Variants in TENM2 observed in about 807,000 individuals in gnomAD.
The protein encoded by TENM2 is teneurin transmembrane protein 2.
A neutral mutation model predicts 245.2 loss-of-function variants in TENM2; 52 were observed. The ratio of observed to expected loss-of-function variants is 0.21; its 90% confidence interval spans 0.17 to 0.27. TENM2 has a LOEUF of 0.27. TENM2 is among the 10% of genes least tolerant of loss of function. TENM2 has a pLI of 1.00. For synonymous variants in TENM2, 1,363 were observed against 1,438.9 expected (o/e 0.95, Z 1.19); for missense variants, 3,046 against 3,666.8 (o/e 0.83, Z 4.37).
At chr5:167,456,727 A>T (rs956125452) in intron 2 of TENM2, among the ~76,000 whole-genome samples, 13 of 152,346 alleles carry the variant, frequency 8.5e-5, no homozygotes, top group African/African-American at 3.1e-4. Context: ...ACTTAATATA[A>T]AAAGCATCAA....
intron 27 of TENM2, among the ~76,000 whole-genome samples, chr5:168,248,584 C>T (rs896194275): frequency 1.1e-4 from 17 of 152,234 alleles, no homozygotes. Flanking sequence ...GTCCCAACCA[C>T]TTTCATGTCC....
At chr5:167,676,915 A>G (rs1169581932) in intron 2 of TENM2, among the ~76,000 whole-genome samples, 1 of 152,154 alleles carries the variant, frequency 6.6e-6, no homozygotes, top group African/African-American at 2.4e-5. Flanking sequence ...TAATTGAACT[A>G]TATGAGGACA....
At chr5:168,053,252 C>T (rs995994052) in intron 6 of TENM2, among the ~76,000 whole-genome samples, 4 of 152,230 alleles carry the variant, frequency 2.6e-5, no homozygotes, top group Non-Finnish European at 5.9e-5. Flanking sequence ...TACTTACATG[C>T]ACTTATACTG....
intron 2 of TENM2, among the ~76,000 whole-genome samples, chr5:167,682,108 CCCT>C (rs1756760086): frequency 8.8e-6 from 1 of 113,028 alleles, no homozygotes; most frequent in Admixed American, 8.1e-5. Context: ...CTCCCTCCCT[CCCT>C]CCCTCCCTCC....
At chr5:167,641,281 C>T (rs1224146770) in intron 2 of TENM2, among the ~76,000 whole-genome samples, 1 of 152,048 alleles carries the variant, frequency 6.6e-6, no homozygotes, top group African/African-American at 2.4e-5. Flanking sequence ...TGGCAGAAGG[C>T]TCGCAGAACC....
At chr5:167,681,073 G>A (rs971712569) in intron 2 of TENM2, among the ~76,000 whole-genome samples, 13 of 152,196 alleles carry the variant, frequency 8.5e-5, no homozygotes, top group East Asian at 1.9e-4. Context: ...AAACAATTAC[G>A]AAGTCAACCT....
At chr5:168,130,795 G>A (rs1032112193) in intron 12 of TENM2, among the ~76,000 whole-genome samples, 1 of 152,068 alleles carries the variant, frequency 6.6e-6, no homozygotes, top group African/African-American at 2.4e-5. Flanking sequence ...AGGCCGATGT[G>A]GGAGAATCGC....
intron 5 of TENM2, among the ~76,000 whole-genome samples, chr5:168,000,705 G>A (rs1234387545): frequency 6.6e-6 from 1 of 152,132 alleles, no homozygotes; most frequent in Admixed American, 6.6e-5. Context: ...TTATATATTT[G>A]GAAAGAGATA....
intron 7 of TENM2, among the ~76,000 whole-genome samples, chr5:168,088,887 A>T (rs1444751913): frequency 2.6e-5 from 4 of 152,186 alleles, no homozygotes; most frequent in Non-Finnish European, 4.4e-5. Flanking sequence ...CTGGAGTTTC[A>T]TTCTGTGAAG....
the TENM2 span, among the ~76,000 whole-genome samples, chr5:167,103,508 C>T: frequency 1.3e-5 from 2 of 152,284 alleles, no homozygotes; most frequent in African/African-American, 2.4e-5. Context: ...CTTCTTAACC[C>T]TTTGGGTGCT....
chr5:167,937,565 T>C (rs1778822089), intron 3 of TENM2, among the ~76,000 whole-genome samples: 1 of 152,242 alleles, frequency 6.6e-6, no homozygotes, highest in African/African-American at 2.4e-5. Context: ...CGTGATACTG[T>C]ATTTTATCAT....
intron 3 of TENM2, among the ~76,000 whole-genome samples, chr5:167,951,506 T>G (rs1441822138): frequency 6.6e-6 from 1 of 152,238 alleles, no homozygotes; most frequent in African/African-American, 2.4e-5. Flanking sequence ...GAGAATCGGT[T>G]GCTAGGAAAA....
At chr5:167,458,489 AAAAAC>A (rs1205130091) in intron 2 of TENM2, among the ~76,000 whole-genome samples, 26 of 124,950 alleles carry the variant, frequency 2.1e-4, no homozygotes, top group African/African-American at 7.6e-4. Flanking sequence ...TCCGTCTCAA[AAAAAC>A]AAAAAAAAAA....
chr5:167,072,398 T>G, the TENM2 span, among the ~76,000 whole-genome samples: 1 of 152,228 alleles, frequency 6.6e-6, no homozygotes, highest in East Asian at 1.9e-4. Context: ...ATGTGTTGCC[T>G]TTTTTTGGCC....
chr5:167,911,878 AAT>A (rs781465460), intron 3 of TENM2, among the ~76,000 whole-genome samples: 4 of 152,094 alleles, frequency 2.6e-5, no homozygotes, highest in African/African-American at 9.6e-5. Context: ...TTAATTAACA[AAT>A]ATATATATAT....
At chr5:167,690,848 T>C (rs10035233) in intron 2 of TENM2, among the ~76,000 whole-genome samples, 64,355 of 151,546 alleles carry the variant, frequency 0.42, 16,194 homozygotes, top group East Asian at 0.9. Context: ...CACACACATA[T>C]ATGTTTGTAT....
At chr5:167,257,701 T>C in the TENM2 span, among the ~76,000 whole-genome samples, 2 of 152,002 alleles carry the variant, frequency 1.3e-5, no homozygotes, top group Non-Finnish European at 2.9e-5. Context: ...TCACAATCAG[T>C]ATAATTTTTT....
chr5:168,174,194 A>G (rs1422188148), intron 13 of TENM2, among the ~76,000 whole-genome samples: 1 of 152,128 alleles, frequency 6.6e-6, no homozygotes, highest in African/African-American at 2.4e-5. Context: ...CACAGCTGAG[A>G]AGCAGGCGTG....
chr5:167,245,938 G>T, the TENM2 span, among the ~76,000 whole-genome samples: 1 of 152,112 alleles, frequency 6.6e-6, no homozygotes, highest in South Asian at 2.1e-4. Context: ...CCACTAAACT[G>T]GGGTACTCAG....
Sources: gnomAD v4.1 joint callset for allele counts (sites outside exome capture counted in the v4.1 genomes callset) on GRCh38, gnomAD v4.1.1 for gene constraint, MANE v1.5 for transcripts, NCBI Gene and HGNC (gene_info 2026-07-23, HGNC 2026-07-21) for gene names.